Variants in ADAMTSL1 observed in about 807,000 individuals in gnomAD.
ADAMTSL1 encodes ADAMTS like 1.
ADAMTSL1 carries 126 observed loss-of-function variants against 201.8 expected under a neutral mutation model. That is an observed-to-expected ratio of 0.62 (90% CI 0.54 to 0.72). The LOEUF is 0.72. Ranked by LOEUF, ADAMTSL1 falls within the 30% of genes least tolerant of loss-of-function variation. ADAMTSL1 has a pLI of 0.00. For synonymous variants in ADAMTSL1, 1,121 were observed against 903.4 expected, an observed-to-expected ratio of 1.24 and a Z score of -4.32; for missense variants, 2,679 against 2,277.8, an observed-to-expected ratio of 1.18 and a Z score of -3.59.
intron 4 of ADAMTSL1, among the ~76,000 whole-genome samples, chr9:18,579,920 C>G (rs1292649169): frequency 6.6e-6 from 1 of 152,078 alleles, no homozygotes; most frequent in Non-Finnish European, 1.5e-5. Context: ...AAAAGAGTAG[C>G]ATAAATGTAT....
At chr9:18,006,987 T>G (rs892567024) in intron 1 of ADAMTSL1, among the ~76,000 whole-genome samples, 22 of 152,068 alleles carry the variant, frequency 1.4e-4, no homozygotes, top group African/African-American at 4.8e-4. Context: ...CATGGAAAAA[T>G]CGGGCTCATT....
At chr9:18,753,173 AGCCAATCTTGGGCTG>A in intron 15 of ADAMTSL1, 110 bp from the exon 16 acceptor site, 1 of 870,166 alleles carries the variant, frequency 1.1e-6, no homozygotes, top group Non-Finnish European at 1.9e-6. Context: ...TAGAGCTGCC[AGCCAATCTTGGGCTG>A]GCACTTCCCA....
intron 23 of ADAMTSL1, among the ~76,000 whole-genome samples, chr9:18,836,049 C>A (rs35241759): frequency 0.11 from 16,669 of 152,084 alleles, 1,192 homozygotes; most frequent in Middle Eastern, 0.21. Flanking sequence ...ATTGAATGAT[C>A]GTTGTGTTTT....
Position 17,909,241 on chromosome 9 carries a change from G to A in ADAMTSL1, c.87+2319G>A, listed in dbSNP as rs10963330. ...TATTAGCCCTTTGTCAGATGAGTAG[G>A]TTGCAAAAATTTTCTCCCATTCTGT... On this transcript the variant is annotated intron_variant, in intron 1 of 29. Transcript: ENST00000680146. Among the ~76,000 whole-genome samples, 3 of 144,146 alleles carry A rather than the reference G, an allele frequency of 2.1e-5. No homozygotes were observed. In the East Asian group the frequency reaches 6.3e-4, roughly 30 times the overall value. 94.6% of individuals were successfully genotyped at this position (144,146 alleles called of 152,430 possible). A position where few individuals can be genotyped will look rare whatever the true frequency, so the allele number is the denominator to read the frequency against.
chr9:18,660,790 A>G (rs1470076433), intron 8 of ADAMTSL1, among the ~76,000 whole-genome samples: 11 of 151,592 alleles, frequency 7.3e-5, no homozygotes, highest in Non-Finnish European at 1.6e-4. Flanking sequence ...TTTCATCTTT[A>G]TAGTCAAATT....
intron 23 of ADAMTSL1, among the ~76,000 whole-genome samples, chr9:18,867,851 C>T (rs1827639708): frequency 1.3e-5 from 2 of 152,178 alleles, no homozygotes; most frequent in Non-Finnish European, 2.9e-5. Context: ...TGGTCTTGAA[C>T]TCCTGACCTC....
At chr9:18,530,818 A>G (rs191188469) in intron 2 of ADAMTSL1, among the ~76,000 whole-genome samples, 1 of 152,218 alleles carries the variant, frequency 6.6e-6, no homozygotes, top group Non-Finnish European at 1.5e-5. Context: ...GATAAAACTG[A>G]GATATAGAGC....
intron 2 of ADAMTSL1, among the ~76,000 whole-genome samples, chr9:18,194,893 C>T (rs1272040424): frequency 1.3e-5 from 2 of 152,118 alleles, no homozygotes; most frequent in Non-Finnish European, 2.9e-5. Context: ...AGGTACTTGA[C>T]ACCAAGGAGT....
intron 13 of ADAMTSL1, among the ~76,000 whole-genome samples, chr9:18,685,338 T>C (rs1027401852): frequency 6.6e-5 from 10 of 152,210 alleles, no homozygotes; most frequent in African/African-American, 2.2e-4. Context: ...GTCCATGGAA[T>C]CTGTAAAACC....
intron 21 of ADAMTSL1, among the ~76,000 whole-genome samples, chr9:18,818,183 T>C (rs1421330817): frequency 6.6e-6 from 1 of 152,156 alleles, no homozygotes; most frequent in Non-Finnish European, 1.5e-5. Context: ...AAGAAATGAA[T>C]GGTTCTTGTG....
chr9:18,791,733 C>G (rs955180138), intron 19 of ADAMTSL1, among the ~76,000 whole-genome samples: 1 of 152,072 alleles, frequency 6.6e-6, no homozygotes, highest in African/African-American at 2.4e-5. Flanking sequence ...AAAATAAATA[C>G]TACAGTTTCT....
chr9:18,439,556 G>A (rs1819904481), intron 2 of ADAMTSL1, among the ~76,000 whole-genome samples: 2 of 152,102 alleles, frequency 1.3e-5, no homozygotes, highest in African/African-American at 4.8e-5. Context: ...TAGTAGAGAC[G>A]GGATTTCACC....
intron 1 of ADAMTSL1, among the ~76,000 whole-genome samples, chr9:17,976,112 T>C (rs1436449561): frequency 6.6e-6 from 1 of 152,136 alleles, no homozygotes; most frequent in African/African-American, 2.4e-5. Flanking sequence ...TACCATACTA[T>C]TTTGATTACT....
At chr9:18,659,516 G>A (rs1828926130) in intron 8 of ADAMTSL1, among the ~76,000 whole-genome samples, 1 of 152,212 alleles carries the variant, frequency 6.6e-6, no homozygotes, top group African/African-American at 2.4e-5. Context: ...TGTAATCCCA[G>A]CACTTTGGGA....
chr9:18,893,480 CA>C (rs1358825465), intron 26 of ADAMTSL1, among the ~76,000 whole-genome samples: 1 of 152,136 alleles, frequency 6.6e-6, no homozygotes, highest in African/African-American at 2.4e-5. Context: ...CCCTCCAGGC[CA>C]GTACGTGTCG....
At chr9:18,284,546 G>A (rs1259008111) in intron 2 of ADAMTSL1, among the ~76,000 whole-genome samples, 2 of 152,162 alleles carry the variant, frequency 1.3e-5, no homozygotes, top group East Asian at 3.9e-4. Context: ...GGAAACAGGT[G>A]TAAATAACAG....
At chr9:17,958,221 A>G (rs1221362117) in intron 1 of ADAMTSL1, among the ~76,000 whole-genome samples, 1 of 152,166 alleles carries the variant, frequency 6.6e-6, no homozygotes, top group African/African-American at 2.4e-5. Context: ...ACCCTTTCAC[A>G]TAAAACCTCC....
At chr9:18,533,785 A>T (rs1819590789) in intron 3 of ADAMTSL1, among the ~76,000 whole-genome samples, 1 of 152,238 alleles carries the variant, frequency 6.6e-6, no homozygotes, top group Non-Finnish European at 1.5e-5. Flanking sequence ...GAGAAAGAAG[A>T]CAGATGTGCA....
chr9:18,501,499 G>C (rs1006022), intron 1 of ADAMTSL1, among the ~76,000 whole-genome samples: 75,123 of 135,840 alleles, frequency 0.55, 20,561 homozygotes, highest in Middle Eastern at 0.59. Context: ...GTAAGACACG[G>C]TCTCAAAAAA....
Sources: gnomAD v4.1 joint callset for allele counts (sites outside exome capture counted in the v4.1 genomes callset) on GRCh38, gnomAD v4.1.1 for gene constraint, MANE v1.5 for transcripts, NCBI Gene and HGNC (gene_info 2026-07-23, HGNC 2026-07-21) for gene names.